BMP6: variants seen among roughly 807,000 people sequenced by gnomAD.
BMP6 encodes the protein VG-1-R.
Under a neutral mutation model 54.1 loss-of-function variants are expected in BMP6, and 17 were observed. The ratio of observed to expected loss-of-function variants is 0.31; its 90% CI spans 0.22 to 0.47. The LOEUF (loss-of-function observed/expected upper bound fraction) is 0.47, where lower values mean the gene tolerates loss of function less well. Ranked by LOEUF, BMP6 falls within the 20% of genes least tolerant of loss-of-function variation. The pLI, the probability that BMP6 is intolerant of heterozygous loss-of-function variation, is 1.00. For synonymous variants in BMP6, 328 were observed against 291.2 expected, an observed-to-expected ratio of 1.13 and a Z score of -1.28; for missense variants, 720 against 690.4, an observed-to-expected ratio of 1.04 and a Z score of -0.48.
At chr6:7,811,699 G>A (rs1758438424) in intron 1 of BMP6, among the ~76,000 whole-genome samples, 1 of 152,158 alleles carries the variant, frequency 6.6e-6, no homozygotes, top group Non-Finnish European at 1.5e-5. Flanking sequence ...TGACCTAATT[G>A]ATTCCAGGCC....
Position 7,798,949 on chromosome 6 carries a change from G to A in BMP6, c.665-46191G>A, listed in dbSNP as rs538371577. ...CCAGTGGGCCTTCTGGCAGGCCTAG[G>A]GAGATTGGATCATCTCATTACATCA... On this transcript the variant is annotated intron_variant, in intron 1 of 6. Coordinates refer to ENST00000283147, the MANE Select transcript of BMP6 (RefSeq NM_001718.6). Among the ~76,000 whole-genome samples, 12 of 152,238 alleles carry A rather than the reference G, an allele frequency of 7.9e-5. No individual in the cohort carries two copies. The South Asian group carries it at 2.5e-3, about 32-fold the overall frequency.
chr6:7,747,848 G>A (rs1430852944), intron 1 of BMP6, among the ~76,000 whole-genome samples: 3 of 150,468 alleles, frequency 2.0e-5, no homozygotes, highest in South Asian at 2.1e-4. Context: ...GTTTCTCCAT[G>A]TTGCCCAGGC....
At chr6:7,853,541 G>A (rs919473374) in intron 2 of BMP6, among the ~76,000 whole-genome samples, 3 of 152,122 alleles carry the variant, frequency 2.0e-5, no homozygotes, top group Admixed American at 1.3e-4. Context: ...TACCTGAGAC[G>A]GGTTTCTTTT....
At chr6:7,832,047 C>T (rs1393104212) in intron 1 of BMP6, among the ~76,000 whole-genome samples, 4 of 152,132 alleles carry the variant, frequency 2.6e-5, no homozygotes, top group Admixed American at 6.5e-5. Flanking sequence ...GGTAGACACG[C>T]AAACAGCTGA....
chr6:7,881,228 A>G lies in BMP6; in HGVS notation c.*885A>G, dbSNP rs893708073. 6.6e-6 allele frequency: 1 copy of G among 152,610 alleles called. No individual in the cohort carries two copies. The highest frequency in any genetic ancestry group is 6.5e-5 in the Admixed American group (1 of 15,282). The allele number at this position is 152,610 out of a possible 1,614,324, so 9.5% of individuals were successfully genotyped here. A position where few individuals can be genotyped will look rare whatever the true frequency, so the allele number is the denominator to read the frequency against. ...GGTTAGAACCAACGAAGAAAATAAA[A>G]TGAGGGTGCCCAGCTTATAAGAATG... On this transcript the variant is annotated 3_prime_UTR_variant, in exon 7 of 7. Transcript: ENST00000283147.
rs1238332425 is a variant in BMP6 at position 7,781,333 on chromosome 6, T to TGGGGC, written c.664+53714_664+53715insGGGGC. ...AAATGACAAAACCCATGCTCGTTCA[T>TGGGGC]ACGTACCATGCCACTGTCTCTGTCA... On this transcript the variant is annotated intron_variant, in intron 1 of 6. Transcript: ENST00000283147. 3.5e-3 allele frequency among the ~76,000 whole-genome samples: 529 copies of TGGGGC among 149,444 alleles called. 9 individuals carry two copies. The highest frequency in any genetic ancestry group is 5.7e-3 in the Non-Finnish European group (374 of 65,940).
chr6:7,866,175 A>G (rs1469210554), intron 4 of BMP6, among the ~76,000 whole-genome samples: 1 of 152,202 alleles, frequency 6.6e-6, no homozygotes, highest in African/African-American at 2.4e-5. Flanking sequence ...TGAAGGCTGG[A>G]TGTTGGTTGG....
At chr6:7,733,677 G>T (rs1057287472) in intron 1 of BMP6, among the ~76,000 whole-genome samples, 39 of 152,300 alleles carry the variant, frequency 2.6e-4, no homozygotes, top group African/African-American at 7.5e-4. Flanking sequence ...TTTTCATCAC[G>T]ACAGCGGAGT....
intron 1 of BMP6, among the ~76,000 whole-genome samples, chr6:7,817,299 T>A (rs1219869104): frequency 6.6e-6 from 1 of 152,082 alleles, no homozygotes; most frequent in Admixed American, 6.6e-5. Flanking sequence ...TATGTGGAGG[T>A]GGTGCAGGAT....
chr6:7,787,617 T>C (rs1015172549), intron 1 of BMP6, among the ~76,000 whole-genome samples: 2 of 152,230 alleles, frequency 1.3e-5, no homozygotes, highest in African/African-American at 4.8e-5. Context: ...TGTGGTGTGC[T>C]ACTTGGCCAC....
At chr6:7,820,794 T>C (rs540351725) in intron 1 of BMP6, among the ~76,000 whole-genome samples, 280 of 152,316 alleles carry the variant, frequency 1.8e-3, no homozygotes, top group Middle Eastern at 6.8e-3. Context: ...GAAGATCATT[T>C]TTCCATGGAC....
intron 1 of BMP6, among the ~76,000 whole-genome samples, chr6:7,816,554 G>A (rs1758529856): frequency 6.6e-6 from 1 of 152,172 alleles, no homozygotes; most frequent in African/African-American, 2.4e-5. Context: ...GGGAGATGAA[G>A]TTAAAGCAAA....
At chr6:7,738,755 C>T (rs979312409) in intron 1 of BMP6, among the ~76,000 whole-genome samples, 1 of 152,120 alleles carries the variant, frequency 6.6e-6, no homozygotes, top group African/African-American at 2.4e-5. Context: ...GTGTACAGTT[C>T]GATAAACTTA....
In BMP6 at chr6:7,727,054, TGCCGC is replaced by T. The variant is rs1455316004; in HGVS notation, c.101_105del (p.Ala34GlyfsTer212). 2 of 1,185,468 alleles carry T rather than the reference TGCCGC, an allele frequency of 1.7e-6. No individual in the cohort carries two copies. Among genetic ancestry groups the T allele is most frequent in the Non-Finnish European group, 2.1e-6 (2 of 960,274 alleles). The allele number at this position is 1,185,468 out of a possible 1,614,324, so 73.4% of individuals were successfully genotyped here. A position where few individuals can be genotyped will look rare whatever the true frequency, so the allele number is the denominator to read the frequency against. On this transcript the variant is annotated frameshift_variant, in exon 1 of 7. Coordinates refer to ENST00000283147, the MANE Select transcript of BMP6 (RefSeq NM_001718.6). LOFTEE classifies it high-confidence loss of function. Reference sequence around the variant, plus strand: ...CGCCGCTGCGGCCGCCCTTGCCCGCTGCCGCGGCCGCCGCCGCCGGGGGGCAGCTG... The same window carrying T: ...CGCCGCTGCGGCCGCCCTTGCCCGCTGGCCGCCGCCGCCGGGGGGCAGCTG...
At position 7,729,151 on chromosome 6, in the gene BMP6, C is replaced by A. The variant is rs1257541328; in HGVS notation, c.664+1532C>A. The stretch of plus-strand genomic sequence containing the variant: ...TGGAACCAAATCCAAGGTTGAGCCA[C>A]CTCCAGGAAGCATTCTAAGGAAATT... On this transcript the variant is annotated intron_variant, in intron 1 of 6. Coordinates refer to ENST00000283147, the MANE Select transcript of BMP6 (RefSeq NM_001718.6). 3.3e-5 allele frequency among the ~76,000 whole-genome samples: 5 copies of A among 152,192 alleles called. No homozygotes were observed. In the East Asian group the frequency reaches 9.6e-4, roughly 29 times the overall value.
chr6:7,774,317 A>G (rs781491670), intron 1 of BMP6, among the ~76,000 whole-genome samples: 64 of 152,292 alleles, frequency 4.2e-4, no homozygotes, highest in Admixed American at 6.5e-4. Context: ...TGGGAGGCTG[A>G]GGAGGGTGGA....
At chr6:7,758,605 T>A in intron 1 of BMP6, among the ~76,000 whole-genome samples, 1 of 152,214 alleles carries the variant, frequency 6.6e-6, no homozygotes, top group East Asian at 1.9e-4. Context: ...TAATTTTGAC[T>A]TCTTTTGAAT....
intron 1 of BMP6, among the ~76,000 whole-genome samples, chr6:7,745,381 C>T (rs1279175123): frequency 1.3e-5 from 2 of 152,164 alleles, no homozygotes; most frequent in East Asian, 1.9e-4. Flanking sequence ...TCAAGCGATC[C>T]TCCCACCCTA....
chr6:7,780,087 G>C (rs957618081), intron 1 of BMP6, among the ~76,000 whole-genome samples: 31 of 152,082 alleles, frequency 2.0e-4, no homozygotes, highest in African/African-American at 7.5e-4. Context: ...ATTTATTTCC[G>C]TGCTTCCCTC....
Sources: allele counts gnomAD v4.1 joint callset (sites outside exome capture counted in the v4.1 genomes callset), GRCh38; gene constraint gnomAD v4.1.1; transcripts MANE v1.5; gene names NCBI Gene and HGNC (gene_info 2026-07-23, HGNC 2026-07-21).